The following UBE4A variants were observed in gnomAD, a reference collection of about 807,000 sequenced individuals.
UBE4A encodes the protein ubiquitin conjugation factor E4 A.
UBE4A carries 48 observed loss-of-function variants against 117.9 expected under a neutral mutation model. That is an observed-to-expected ratio of 0.41 (90% CI 0.32 to 0.52). UBE4A has a LOEUF of 0.52. Among genes scored for constraint, UBE4A ranks in the 20% least tolerant of loss-of-function variants. UBE4A has a pLI of 0.33. For synonymous variants in UBE4A, 407 were observed against 450.0 expected, an observed-to-expected ratio of 0.90 and a Z score of 1.21; for missense variants, 1,067 against 1,296.3, an observed-to-expected ratio of 0.82 and a Z score of 2.72.
At chr11:118,371,388 C>T in intron 4 of UBE4A, 126 bp from the exon 5 acceptor site, 3 of 1,200,926 alleles carry the variant, frequency 2.5e-6, no homozygotes, top group Non-Finnish European at 2.3e-6. Flanking sequence ...CCCTTTTTTT[C>T]TCCTTCACTC....
intron 13 of UBE4A, among the ~76,000 whole-genome samples, chr11:118,383,903 T>G (rs1281470298): frequency 6.6e-6 from 1 of 152,234 alleles, no homozygotes; most frequent in African/African-American, 2.4e-5. Flanking sequence ...ATAATGCATG[T>G]AAATCTTTAT....
At chr11:118,382,036 G>A (rs1041805022) in intron 12 of UBE4A, among the ~76,000 whole-genome samples, 30 of 152,198 alleles carry the variant, frequency 2.0e-4, no homozygotes, top group East Asian at 9.7e-4. Context: ...TGGAAACTCT[G>A]TGTACAAAAG....
chr11:118,386,746 T>A, intron 16 of UBE4A, 134 bp downstream of exon 16: 1 of 1,028,880 alleles, frequency 9.7e-7, no homozygotes, highest in Non-Finnish European at 1.3e-6. Context: ...GGGAAACGAA[T>A]CACTTGAGAA....
At position 118,398,000 on chromosome 11, in the gene UBE4A, G is replaced by A. The variant is rs1948890743; in HGVS notation, c.*1560G>A. On this transcript the variant is annotated 3_prime_UTR_variant, in exon 20 of 20. Transcript: ENST00000252108. ...TAAGATTCATTCAGTGTGCTCCCTGGGCCTTTATGGCATGGGTTGACAGGA... is the reference window on the plus strand; with the variant it reads ...TAAGATTCATTCAGTGTGCTCCCTGAGCCTTTATGGCATGGGTTGACAGGA... 6.6e-6 allele frequency: 1 copy of A among 152,346 alleles called. No homozygotes were observed. The highest frequency in any genetic ancestry group is 2.4e-5 in the African/African-American group (1 of 41,340). 9.4% of individuals were successfully genotyped at this position (152,346 alleles called of 1,614,324 possible). A position where few individuals can be genotyped will look rare whatever the true frequency, so the allele number is the denominator to read the frequency against.
At chr11:118,382,568 T>C in intron 12 of UBE4A, 21 bp from the exon 13 acceptor site, 1 of 1,512,950 alleles carries the variant, frequency 6.6e-7, no homozygotes, top group Non-Finnish European at 8.9e-7. Flanking sequence ...CTGCTCATCT[T>C]GCTTTTTGCC....
chr11:118,369,364 G>A (rs899373244), intron 3 of UBE4A, 59 bp from the exon 4 acceptor site: 3 of 1,258,774 alleles, frequency 2.4e-6, no homozygotes, highest in African/African-American at 2.9e-5. Flanking sequence ...GTCAAGATCA[G>A]TTGTCTGTAT....
intron 10 of UBE4A, among the ~76,000 whole-genome samples, chr11:118,379,166 A>C (rs531148130): frequency 2.0e-5 from 3 of 152,268 alleles, no homozygotes; most frequent in South Asian, 4.1e-4. Context: ...AACCCATTCT[A>C]CACCCTACTC....
chr11:118,388,686 A>G (rs528063946), intron 16 of UBE4A, among the ~76,000 whole-genome samples: 141 of 151,990 alleles, frequency 9.3e-4, no homozygotes, highest in Non-Finnish European at 1.7e-3. Context: ...TACAAGATGT[A>G]TCCACAATGA....
At chr11:118,390,928 G>A (rs1250735029) in intron 18 of UBE4A, 124 bp downstream of exon 18, 9 of 1,271,386 alleles carry the variant, frequency 7.1e-6, no homozygotes, top group Non-Finnish European at 9.7e-6. Flanking sequence ...CTTAAGCCCA[G>A]GAGTTTGAAG....
chr11:118,361,617 G>A (rs79911534), intron 1 of UBE4A, among the ~76,000 whole-genome samples: 2,448 of 152,282 alleles, frequency 0.016, 30 homozygotes, highest in Non-Finnish European at 0.022. Flanking sequence ...TGAAAGATAG[G>A]TGAGAACCTT....
chr11:118,373,240 A>G lies in UBE4A; in HGVS notation c.876A>G (p.Ala292=). ...AGCTCTGTCAGATCCTTTTGTATGC[A>G]TATCTGGATATTCTTCTCTATTTCA... is the stretch of plus-strand genomic sequence containing the variant. The part of the protein sequence containing the change: ...DLELCQILLY[A]YLDILLYFTR... Residue 292 remains alanine, a synonymous_variant, in exon 7 of 20, where the codon GCA becomes GCG. Coordinates refer to ENST00000252108, the MANE Select transcript of UBE4A (RefSeq NM_001204077.2). 6.2e-7 allele frequency: 1 copy of G among 1,613,448 alleles called. No individual in the cohort carries two copies. The highest frequency in any genetic ancestry group is 8.5e-7 in the Non-Finnish European group (1 of 1,180,000).
chr11:118,376,769 G>C, intron 10 of UBE4A, 75 bp downstream of exon 10: 1 of 1,537,572 alleles, frequency 6.5e-7, no homozygotes, highest in South Asian at 1.2e-5. Context: ...TGAGTCTTTG[G>C]CCAGGCACAG....
chr11:118,379,922 G>T (rs1246046248), intron 11 of UBE4A, among the ~76,000 whole-genome samples, 172 bp downstream of exon 11: 1 of 152,224 alleles, frequency 6.6e-6, no homozygotes, highest in Non-Finnish European at 1.5e-5. Context: ...GGGACTAACA[G>T]TTTGTTCCCT....
At chr11:118,379,288 C>G (rs1437014145) in intron 10 of UBE4A, among the ~76,000 whole-genome samples, 158 bp from the exon 11 acceptor site, 1 of 152,188 alleles carries the variant, frequency 6.6e-6, no homozygotes, top group African/African-American at 2.4e-5. Context: ...TGCACCCTGC[C>G]TGTGTCCTGT....
At chr11:118,368,066 A>C (rs1462795353) in intron 2 of UBE4A, among the ~76,000 whole-genome samples, 1 of 152,186 alleles carries the variant, frequency 6.6e-6, no homozygotes, top group African/African-American at 2.4e-5. Context: ...TAACAGGGAA[A>C]GGTGTTGGTG....
intron 5 of UBE4A, 52 bp from the exon 6 acceptor site, chr11:118,372,455 G>T: frequency 6.5e-7 from 1 of 1,547,662 alleles, no homozygotes; most frequent in Non-Finnish European, 8.7e-7. Context: ...GTCTACTTTC[G>T]TTCCAGATTA....
At chr11:118,359,838 T>C (rs1037057066) in intron 1 of UBE4A, among the ~76,000 whole-genome samples, 164 bp downstream of exon 1, 9 of 152,210 alleles carry the variant, frequency 5.9e-5, no homozygotes, top group African/African-American at 1.9e-4. Flanking sequence ...TTCGACCCTG[T>C]CTGATTTGGA....
intron 17 of UBE4A, 111 bp from the exon 18 acceptor site, chr11:118,390,546 G>T: frequency 1.5e-6 from 1 of 646,480 alleles, no homozygotes; most frequent in African/African-American, 1.9e-5. Context: ...TATATCAAAA[G>T]AATGTTCATG....
chr11:118,373,403 G>A (rs1358654121), intron 7 of UBE4A, 91 bp from the exon 8 acceptor site: 25 of 1,523,576 alleles, frequency 1.6e-5, no homozygotes, highest in East Asian at 2.3e-5. Flanking sequence ...TAGCTTGGTT[G>A]TTGTATCAAC....
Sources: allele counts gnomAD v4.1 joint callset (sites outside exome capture counted in the v4.1 genomes callset), GRCh38; gene constraint gnomAD v4.1.1; transcripts MANE v1.5; gene names NCBI Gene and HGNC (gene_info 2026-07-23, HGNC 2026-07-21).